IAPP: variants seen among roughly 807,000 people sequenced by gnomAD.
The protein encoded by IAPP is Islet amyloid polypeptide (diabetes-associated peptide; amylin).
In IAPP, 4 loss-of-function variants were observed where a neutral mutation model predicts 2.9. The ratio of observed to expected loss-of-function variants is 1.39; its 90% confidence interval spans 0.69 to 3.19. The LOEUF (loss-of-function observed/expected upper bound fraction) is 3.19, where lower values mean the gene tolerates loss of function less well. Ranked by LOEUF, IAPP falls within the 30% of genes most tolerant of loss-of-function variation. The pLI is 0.01. For missense variants in IAPP, 114 were observed against 105.3 expected, an observed-to-expected ratio of 1.08 and a Z score of -0.36; for synonymous variants, 40 against 42.1, an observed-to-expected ratio of 0.95 and a Z score of 0.19.
At chr12:21,377,131 T>C (rs931419651) in intron 2 of IAPP, among the ~76,000 whole-genome samples, 3 of 152,182 alleles carry the variant, frequency 2.0e-5, no homozygotes, top group South Asian at 2.1e-4. Context: ...TATGCACTTC[T>C]TCCAGGTGGC....
rs2137117003 is a variant in IAPP at position 21,379,134 on chromosome 12, A to G, written c.*708A>G. 6.6e-6 allele frequency: 1 copy of G among 152,358 alleles called. No homozygotes were observed. Among genetic ancestry groups the G allele is most frequent in the South Asian group, 2.1e-4 (1 of 4,832 alleles). 9.4% of individuals were successfully genotyped at this position (152,358 alleles called of 1,614,324 possible). ...CCTGATAAGCAAATTAGTAATTGTC[A>G]ATACCCCTGTTAAGCAATTCCTTTT... is the stretch of plus-strand genomic sequence containing the variant. On this transcript the variant is annotated 3_prime_UTR_variant, in exon 3 of 3. Coordinates refer to ENST00000240652, the MANE Select transcript of IAPP (RefSeq NM_000415.3).
chr12:21,376,109 C>A (rs1940175385), intron 2 of IAPP, among the ~76,000 whole-genome samples: 1 of 152,032 alleles, frequency 6.6e-6, no homozygotes, highest in Non-Finnish European at 1.5e-5. Context: ...AATGATGGCC[C>A]ATCTAGCTAA....
chr12:21,357,843 G>A (rs1041033143), intron 1 of IAPP, among the ~76,000 whole-genome samples: 2 of 152,108 alleles, frequency 1.3e-5, no homozygotes, highest in African/African-American at 4.8e-5. Flanking sequence ...AACAGTATTA[G>A]AAAACACATG....
At chr12:21,365,303 T>A (rs2137064928) in intron 1 of IAPP, among the ~76,000 whole-genome samples, 1 of 152,266 alleles carries the variant, frequency 6.6e-6, no homozygotes, top group East Asian at 1.9e-4. Context: ...GGGAAAGGAT[T>A]CCCTATTTAA....
rs771124444 is a variant in IAPP, at chr12:21,378,459, GTTCTAGTGAT to G, written c.*37_*46del. On this transcript the variant is annotated 3_prime_UTR_variant, in exon 3 of 3. Transcript: ENST00000240652. ...TGTAACTCTATAGTTATTGTTTTAT[GTTCTAGTGAT>G]TTCCTGTATAATTTAACAGTGCCCT... The G allele has an allele frequency of 1.2e-5, 19 of 1,541,642 alleles. No individual in the cohort carries two copies. In the African/African-American group the frequency reaches 2.2e-4, roughly 18 times the overall value.
At chr12:21,371,754 G>A (rs900195522), upstream of IAPP, among the ~76,000 whole-genome samples, 9 of 152,124 alleles carry the variant, frequency 5.9e-5, no homozygotes, top group African/African-American at 1.9e-4. Context: ...TGTAATCCCA[G>A]CACTTTGGGA....
intron 1 of IAPP, among the ~76,000 whole-genome samples, chr12:21,364,891 A>G (rs1939243068): frequency 6.6e-6 from 1 of 152,188 alleles, no homozygotes. Flanking sequence ...TCAGCAAAAT[A>G]AAACAGGACA....
At chr12:21,364,158 G>A (rs1939176749) in intron 1 of IAPP, among the ~76,000 whole-genome samples, 1 of 152,136 alleles carries the variant, frequency 6.6e-6, no homozygotes, top group African/African-American at 2.4e-5. Flanking sequence ...ATAAAATACT[G>A]GCAAACCGAA....
At chr12:21,363,313 T>A (rs1231119107) in intron 1 of IAPP, among the ~76,000 whole-genome samples, 1 of 152,044 alleles carries the variant, frequency 6.6e-6, no homozygotes, top group Non-Finnish European at 1.5e-5. Flanking sequence ...CATAACGAAA[T>A]GAAGGCAGAA....
At chr12:21,376,547 GC>G (rs1940206712) in intron 2 of IAPP, among the ~76,000 whole-genome samples, 1 of 151,938 alleles carries the variant, frequency 6.6e-6, no homozygotes. Context: ...GGTTTTCTTT[GC>G]CCAGATAATT....
chr12:21,364,422 C>G (rs1397210893), intron 1 of IAPP, among the ~76,000 whole-genome samples: 3 of 152,106 alleles, frequency 2.0e-5, no homozygotes, highest in Admixed American at 2.0e-4. Flanking sequence ...CTATTTATGA[C>G]AAACCCACAG....
intron 1 of IAPP, among the ~76,000 whole-genome samples, chr12:21,357,448 T>G (rs1055874018): frequency 4.6e-5 from 7 of 152,218 alleles, no homozygotes; most frequent in Admixed American, 2.6e-4. Flanking sequence ...CACCTAATCT[T>G]AGACTTCTTG....
rs763676184 is a variant in IAPP, at chr12:21,378,286, C to A, written c.130C>A (p.Arg44Ser). 1.2e-6 allele frequency: 2 copies of A among 1,614,134 alleles called. No homozygotes were observed. Residue 44 changes from arginine (R) to serine (S), a missense_variant, in exon 3 of 3, where the codon CGC becomes AGC. By Grantham distance (110) the Arg-to-Ser change is moderately radical. Transcript: ENST00000240652. ...KCNTATCATQ[R>S]LANFLVHSSN... is the part of the protein sequence containing the mutation. ...CAACACTGCCACATGTGCAACGCAG[C>A]GCCTGGCAAATTTTTTAGTTCATTC...
intron 2 of IAPP, chr12:21,373,632 C>A (rs948707007): frequency 1.6e-5 from 11 of 700,260 alleles, no homozygotes; most frequent in African/African-American, 1.1e-4. Context: ...TTTGATGGAA[C>A]TTCTGACAGA....
At position 21,378,219 on chromosome 12, in the gene IAPP, T is replaced by C; in HGVS notation, c.81-18T>C. The C allele has an allele frequency of 1.2e-6, 2 of 1,612,896 alleles. No individual in the cohort carries two copies. The highest frequency in any genetic ancestry group is 8.5e-7 in the Non-Finnish European group (1 of 1,178,840). On this transcript the variant is annotated intron_variant, in intron 2 of 2. Transcript: ENST00000240652. ...AATTCTAAGGCTCTAACTTTTCACA[T>C]TTGTTCCATGTTACCAGTCATCAGG...
upstream of IAPP, among the ~76,000 whole-genome samples, chr12:21,368,128 C>T (rs74065057): frequency 3.9e-4 from 59 of 152,190 alleles, no homozygotes; most frequent in African/African-American, 1.3e-3. Flanking sequence ...TCATTTTTAA[C>T]CTCATAAAAG....
intron 1 of IAPP, among the ~76,000 whole-genome samples, chr12:21,364,148 AT>A (rs1190192111): frequency 1.4e-4 from 21 of 152,224 alleles, no homozygotes; most frequent in African/African-American, 5.1e-4. Context: ...AAAATCCTCA[AT>A]AAAATACTGG....
At chr12:21,355,901 A>G (rs1938326580) in intron 1 of IAPP, among the ~76,000 whole-genome samples, 1 of 152,196 alleles carries the variant, frequency 6.6e-6, no homozygotes, top group African/African-American at 2.4e-5. Context: ...AATGGCCAAG[A>G]AGTATTTAGA....
In IAPP at chr12:21,378,341, C is replaced by G; in HGVS notation, c.185C>G (p.Ser62Cys). 1 of 1,614,162 alleles carries G rather than the reference C, an allele frequency of 6.2e-7. No individual in the cohort carries two copies. The highest frequency in any genetic ancestry group is 1.1e-5 in the South Asian group (1 of 91,090). The change falls in exon 3 of 3, where the codon TCT becomes TGT. Residue 62 changes from serine to cysteine, a missense_variant. Physicochemically the swap from Ser to Cys is moderately radical, Grantham distance 112. Transcript: ENST00000240652. ...SSNNFGAILS[S>C]TNVGSNTYGK... ...AACAACTTTGGTGCCATTCTCTCAT[C>G]TACCAACGTGGGATCCAATACATAT...
Sources: allele counts gnomAD v4.1 joint callset (sites outside exome capture counted in the v4.1 genomes callset), GRCh38; gene constraint gnomAD v4.1.1; transcripts MANE v1.5; gene names NCBI Gene and HGNC (gene_info 2026-07-23, HGNC 2026-07-21).